The following MYT1L variants were observed in gnomAD, a reference collection of about 807,000 sequenced individuals.
MYT1L encodes myelin transcription factor 1 like, also known as myelin transcription factor 1-like protein.
MYT1L carries 12 observed loss-of-function variants against 126.7 expected under a neutral mutation model. The observed-to-expected ratio is 0.09, with a 90% CI of 0.06 to 0.15. The LOEUF (loss-of-function observed/expected upper bound fraction) is 0.15, where lower values mean the gene tolerates loss of function less well. Ranked by LOEUF, MYT1L falls within the 10% of genes least tolerant of loss-of-function variation. MYT1L has a pLI of 1.00. For missense variants in MYT1L, 979 were observed against 1,585.2 expected (o/e 0.62, Z 6.49); for synonymous variants, 541 against 604.2 (o/e 0.90, Z 1.53).
rs181366676 is a variant in MYT1L at position 2,174,169 on chromosome 2, G to A, written c.-420-1181C>T. On this transcript the variant is annotated intron_variant, in intron 2 of 24. Coordinates refer to ENST00000647738, the MANE Select transcript of MYT1L (RefSeq NM_001303052.2). ...TGAGAGTTAGCGTATTCGTTTTGTTGCAAAGTCTACAGATATCAGTTTGGA... is the reference window on the plus strand; with the variant it reads ...TGAGAGTTAGCGTATTCGTTTTGTTACAAAGTCTACAGATATCAGTTTGGA... Among the ~76,000 whole-genome samples the A allele has an allele frequency of 3.1e-3, 469 of 152,304 alleles. 3 individuals are homozygous for A. Among genetic ancestry groups the A allele is most frequent in the African/African-American group, 0.011 (457 of 41,562 alleles).
At chr2:1,896,702 G>T (rs2049621630) in intron 14 of MYT1L, among the ~76,000 whole-genome samples, 1 of 152,280 alleles carries the variant, frequency 6.6e-6, no homozygotes, top group South Asian at 2.1e-4. Context: ...AGGGGAGTGG[G>T]TTGGAGAAAT....
At chr2:1,876,122 C>T (rs1433775767) in intron 18 of MYT1L, among the ~76,000 whole-genome samples, 1 of 152,120 alleles carries the variant, frequency 6.6e-6, no homozygotes, top group African/African-American at 2.4e-5. Context: ...CAGTGATGTG[C>T]AGGGGAATGC....
At chr2:1,975,118 A>G (rs771711215) in intron 8 of MYT1L, among the ~76,000 whole-genome samples, 1 of 152,010 alleles carries the variant, frequency 6.6e-6, no homozygotes, top group African/African-American at 2.4e-5. Context: ...GCACTGGTTG[A>G]TCCTCCTCTA....
chr2:1,911,870 G>T (rs1573499164), intron 12 of MYT1L, 150 bp downstream of exon 12: 2 of 494,776 alleles, frequency 4.0e-6, no homozygotes, highest in African/African-American at 2.0e-5. Context: ...GGCGTGGAGT[G>T]CTTTCACTCC....
At chr2:1,942,897 G>A (rs2056808837) in intron 9 of MYT1L, 85 bp downstream of exon 9, 2 of 1,447,580 alleles carry the variant, frequency 1.4e-6, no homozygotes, top group Non-Finnish European at 1.8e-6. Flanking sequence ...TTATATGCCA[G>A]TCATTCGTAG....
At chr2:2,296,687 G>C (rs1325510393) in intron 1 of MYT1L, among the ~76,000 whole-genome samples, 2 of 152,156 alleles carry the variant, frequency 1.3e-5, no homozygotes, top group Non-Finnish European at 2.9e-5. Flanking sequence ...ACAGAAAGGA[G>C]AGACACTTCA....
intron 2 of MYT1L, among the ~76,000 whole-genome samples, chr2:2,218,343 C>T (rs1460703770): frequency 6.6e-6 from 1 of 152,126 alleles, no homozygotes; most frequent in African/African-American, 2.4e-5. Flanking sequence ...GATTGATAAA[C>T]AAATTGTGTA....
Position 1,811,187 on chromosome 2 carries a change from T to A in MYT1L, c.3081-2020A>T, listed in dbSNP as rs2036570752. On this transcript the variant is annotated intron_variant, in intron 21 of 24. Coordinates refer to ENST00000647738, the MANE Select transcript of MYT1L (RefSeq NM_001303052.2). The surrounding 1 kb of genome is among the most constrained non-coding windows in gnomAD (Gnocchi z 4.4). The stretch of plus-strand genomic sequence containing the variant: ...GAACTTGGAGGAATAAATTTCTGGT[T>A]TCTATGCTGCCCAAGGTATGGTATT... 6.6e-6 allele frequency: 1 copy of A among 152,128 alleles called. No individual in the cohort carries two copies. 9.4% of individuals were successfully genotyped at this position (152,128 alleles called of 1,614,324 possible). A position where few individuals can be genotyped will look rare whatever the true frequency, so the allele number is the denominator to read the frequency against.
intron 3 of MYT1L, among the ~76,000 whole-genome samples, chr2:2,069,036 C>T (rs779294695): frequency 4.6e-5 from 7 of 151,886 alleles, no homozygotes; most frequent in Non-Finnish European, 7.4e-5. Context: ...TTTAGAAAAA[C>T]ACACAAGGAG....
chr2:1,827,333 G>A (rs138151038), intron 21 of MYT1L: 1 of 152,342 alleles, frequency 6.6e-6, no homozygotes, highest in Non-Finnish European at 1.5e-5. Flanking sequence ...GAGGGACCCA[G>A]AGCTCAGGAG....
At position 1,922,254 on chromosome 2, in the gene MYT1L, A is replaced by G; in HGVS notation, c.1483+32T>C. ...ATCCTTTACCCTAGCTCATGTTTTCATGAGGCAACTTACGTTAGGTAGAAA... is the reference window on the plus strand; with the variant it reads ...ATCCTTTACCCTAGCTCATGTTTTCGTGAGGCAACTTACGTTAGGTAGAAA... On this transcript the variant is annotated intron_variant, in intron 10 of 24. Coordinates refer to ENST00000647738, the MANE Select transcript of MYT1L (RefSeq NM_001303052.2). The surrounding 1 kb of genome is among the most constrained non-coding windows in gnomAD (Gnocchi z 7.4). The G allele has an allele frequency of 6.2e-7, 1 of 1,600,882 alleles. No individual in the cohort carries two copies. The highest frequency in any genetic ancestry group is 8.5e-7 in the Non-Finnish European group (1 of 1,171,874).
intron 15 of MYT1L, among the ~76,000 whole-genome samples, chr2:1,890,537 G>GGTGA (rs1456856783): frequency 6.6e-6 from 1 of 151,988 alleles, no homozygotes; most frequent in Non-Finnish European, 1.5e-5. Context: ...AGAGGTACAG[G>GGTGA]GTGAGGCTCT....
rs1041148021 is a variant in MYT1L at position 2,331,027 on chromosome 2, G to T, written c.-581C>A. ...AAGTTCAATTTTGGTAACTGTGCTG[G>T]CTCAAAATACACAGACAGGGAAGAA... On this transcript the variant is annotated 5_prime_UTR_variant, in exon 1 of 25. Transcript: ENST00000647738. The T allele has an allele frequency of 6.6e-6, 1 of 152,046 alleles. No individual in the cohort carries two copies. The allele number at this position is 152,046 out of a possible 1,614,324, so 9.4% of individuals were successfully genotyped here. A position where few individuals can be genotyped will look rare whatever the true frequency, so the allele number is the denominator to read the frequency against.
intron 2 of MYT1L, among the ~76,000 whole-genome samples, chr2:2,247,713 T>C (rs534687080): frequency 2.0e-5 from 3 of 152,156 alleles, no homozygotes; most frequent in Non-Finnish European, 4.4e-5. Flanking sequence ...CTAGAAATTA[T>C]TAACATGAAT....
At position 1,833,464 on chromosome 2, in the gene MYT1L, G is replaced by A. The variant is rs575338471; in HGVS notation, c.3080+5685C>T. Among the ~76,000 whole-genome samples the A allele has an allele frequency of 1.0e-3, 157 of 152,248 alleles. 1 individual carries two copies. Among genetic ancestry groups the A allele is most frequent in the African/African-American group, 3.6e-3 (149 of 41,550 alleles). On this transcript the variant is annotated intron_variant, in intron 21 of 24. Transcript: ENST00000647738. ...GACACCTTCCTGTCCTGAGCTGTCCGCTCTGCTGCTTCCTCATGTATACAA... is the reference window on the plus strand; with the variant it reads ...GACACCTTCCTGTCCTGAGCTGTCCACTCTGCTGCTTCCTCATGTATACAA...
chr2:2,296,498 G>A (rs1303201316), intron 1 of MYT1L, among the ~76,000 whole-genome samples: 1 of 152,086 alleles, frequency 6.6e-6, no homozygotes, highest in Non-Finnish European at 1.5e-5. Flanking sequence ...TTTGTGTATG[G>A]GCATGGTATA....
At chr2:2,285,630 A>G (rs1285853358) in intron 1 of MYT1L, among the ~76,000 whole-genome samples, 1 of 152,016 alleles carries the variant, frequency 6.6e-6, no homozygotes, top group Non-Finnish European at 1.5e-5. Context: ...TAGAAGCCAC[A>G]CTTTCTATTT....
intron 21 of MYT1L, among the ~76,000 whole-genome samples, chr2:1,830,152 A>C (rs1006924478): frequency 6.6e-6 from 1 of 152,030 alleles, no homozygotes; most frequent in Non-Finnish European, 1.5e-5. Context: ...CAGTTTCACC[A>C]AGATCATCAC....
At chr2:2,313,415 T>C (rs1305140699) in intron 1 of MYT1L, among the ~76,000 whole-genome samples, 1 of 152,098 alleles carries the variant, frequency 6.6e-6, no homozygotes, top group Non-Finnish European at 1.5e-5. Context: ...TGGGGCTCAG[T>C]AGAGATAATG....
Sources: allele counts gnomAD v4.1 joint callset (sites outside exome capture counted in the v4.1 genomes callset), GRCh38; gene constraint gnomAD v4.1.1; non-coding constraint Gnocchi (gnomAD v3.1); transcripts MANE v1.5; gene names NCBI Gene and HGNC (gene_info 2026-07-23, HGNC 2026-07-21).